The following LRRC49 variants were observed in gnomAD, a reference collection of about 807,000 sequenced individuals.
The protein encoded by LRRC49 is leucine-rich repeat-containing protein 49.
A neutral mutation model predicts 83.3 loss-of-function variants in LRRC49; 50 were observed. The observed-to-expected ratio is 0.60, with a 90% CI of 0.48 to 0.76. The LOEUF is 0.76. Among genes scored for constraint, LRRC49 ranks in the 30% least tolerant of loss-of-function variants. The pLI is 0.00. For missense variants in LRRC49, 704 were observed against 809.1 expected (o/e 0.87, Z 1.58); for synonymous variants, 286 against 283.3 (o/e 1.01, Z -0.10).
At chr15:70,882,956 G>A (rs528727130) in intron 2 of LRRC49, 1 of 1,594,670 alleles carries the variant, frequency 6.3e-7, no homozygotes. Context: ...TACCTTATAG[G>A]ATTTTATCTT....
chr15:70,946,926 T>A (rs764962818), intron 8 of LRRC49, among the ~76,000 whole-genome samples: 14 of 152,192 alleles, frequency 9.2e-5, no homozygotes, highest in South Asian at 2.1e-4. Context: ...ACTTCCTTTT[T>A]ATGGCTTAAA....
intron 1 of LRRC49, among the ~76,000 whole-genome samples, chr15:70,855,129 C>T (rs2032621561): frequency 6.6e-6 from 1 of 151,984 alleles, no homozygotes; most frequent in Admixed American, 6.5e-5. Context: ...GTCAAGAGAT[C>T]GAGACCATCC....
intron 11 of LRRC49, among the ~76,000 whole-genome samples, chr15:70,994,714 A>T (rs2038018661): frequency 6.6e-6 from 1 of 152,134 alleles, no homozygotes; most frequent in South Asian, 2.1e-4. Flanking sequence ...GGCTCAAGTG[A>T]TCTGCCTGCC....
At chr15:71,040,002 G>C (rs957241912) in intron 15 of LRRC49, among the ~76,000 whole-genome samples, 1 of 152,054 alleles carries the variant, frequency 6.6e-6, no homozygotes, top group African/African-American at 2.4e-5. Context: ...TAAAAATATT[G>C]GTGCAAACCC....
At chr15:70,895,797 C>A (rs1402529369) in intron 2 of LRRC49, 52 bp from the exon 3 acceptor site, 8 of 1,060,506 alleles carry the variant, frequency 7.5e-6, no homozygotes, top group African/African-American at 4.7e-5. Flanking sequence ...ATCTTCACTG[C>A]TTGGTGTTAA....
chr15:71,044,496 A>G (rs979110471), intron 15 of LRRC49, among the ~76,000 whole-genome samples: 14 of 152,224 alleles, frequency 9.2e-5, no homozygotes, highest in African/African-American at 3.1e-4. Flanking sequence ...TTTAAACATC[A>G]TAAGCATTTG....
chr15:70,940,321 A>G (rs2035764936), intron 8 of LRRC49, among the ~76,000 whole-genome samples: 1 of 145,140 alleles, frequency 6.9e-6, no homozygotes. Flanking sequence ...CAGTAGCGCA[A>G]TCTCAGCTCA....
At chr15:70,959,597 GGA>G (rs1424438622) in intron 8 of LRRC49, among the ~76,000 whole-genome samples, 24 of 131,984 alleles carry the variant, frequency 1.8e-4, no homozygotes, top group Admixed American at 3.1e-4. Flanking sequence ...AAGGAAGGAA[GGA>G]AGGGAGGGAA....
At chr15:70,989,705 C>T (rs2037785074) in intron 11 of LRRC49, among the ~76,000 whole-genome samples, 1 of 152,216 alleles carries the variant, frequency 6.6e-6, no homozygotes, top group African/African-American at 2.4e-5. Flanking sequence ...AGGAGAGGCG[C>T]TCTGCTTTTT....
At chr15:70,903,682 A>T (rs989797918) in intron 4 of LRRC49, among the ~76,000 whole-genome samples, 1 of 152,190 alleles carries the variant, frequency 6.6e-6, no homozygotes, top group African/African-American at 2.4e-5. Flanking sequence ...AGAGTTGTTC[A>T]CACTCAGATA....
intron 7 of LRRC49, among the ~76,000 whole-genome samples, chr15:70,923,999 A>G (rs1008241772): frequency 6.6e-6 from 1 of 151,900 alleles, no homozygotes; most frequent in African/African-American, 2.4e-5. Context: ...TCTTATTTGG[A>G]TTTTGCCATT....
intron 14 of LRRC49, among the ~76,000 whole-genome samples, chr15:71,023,823 G>A (rs1450497175): frequency 1.3e-5 from 2 of 152,196 alleles, no homozygotes; most frequent in African/African-American, 4.8e-5. Flanking sequence ...GAGTTCCTCG[G>A]GGGAGAGGCA....
At position 71,012,873 on chromosome 15, in the gene LRRC49, T is replaced by C; in HGVS notation, c.1663T>C (p.Leu555=). 1 of 1,613,242 alleles carries C rather than the reference T, an allele frequency of 6.2e-7. No homozygotes were observed. The highest frequency in any genetic ancestry group is 2.2e-5 in the East Asian group (1 of 44,830). ...CCTAGCACATGTAGCATCTTCTGAG[T>C]TACCCCAGTATCGTCTGATTTCCAT... ...GILAHVASSE[L]PQYRLISILG... Residue 555 remains leucine, a synonymous_variant, in exon 14 of 16, where the codon TTA becomes CTA. Coordinates refer to ENST00000260382, the MANE Select transcript of LRRC49 (RefSeq NM_017691.5).
At chr15:70,956,093 A>G (rs2036391410) in intron 8 of LRRC49, among the ~76,000 whole-genome samples, 1 of 152,132 alleles carries the variant, frequency 6.6e-6, no homozygotes, top group African/African-American at 2.4e-5. Context: ...CCCTTTTTCT[A>G]AAGTACTTAG....
At chr15:71,029,271 T>C (rs2039273299) in intron 14 of LRRC49, among the ~76,000 whole-genome samples, 1 of 152,144 alleles carries the variant, frequency 6.6e-6, no homozygotes, top group African/African-American at 2.4e-5. Context: ...CCAGTAGTCA[T>C]TCAGGAGCAG....
intron 15 of LRRC49, chr15:71,048,712 G>A (rs1247837207): frequency 2.3e-6 from 1 of 436,490 alleles, no homozygotes; most frequent in Non-Finnish European, 4.5e-6. Flanking sequence ...GATGAAATTG[G>A]GGCACAATAT....
intron 15 of LRRC49, among the ~76,000 whole-genome samples, chr15:71,045,763 A>T (rs1383843770): frequency 6.6e-6 from 1 of 152,120 alleles, no homozygotes. Context: ...ACATGAGAGT[A>T]TTATGTGATG....
intron 11 of LRRC49, among the ~76,000 whole-genome samples, chr15:70,999,722 C>G (rs2038195731): frequency 1.3e-5 from 2 of 152,168 alleles, no homozygotes; most frequent in South Asian, 4.1e-4. Flanking sequence ...AGGAGCTTCT[C>G]AAAACTCTAT....
intron 2 of LRRC49, among the ~76,000 whole-genome samples, chr15:70,886,423 A>T: frequency 6.6e-6 from 1 of 152,318 alleles, no homozygotes; most frequent in Non-Finnish European, 1.5e-5. Context: ...AAAATCAATG[A>T]TATAATTTAA....
Sources: allele counts gnomAD v4.1 joint callset (sites outside exome capture counted in the v4.1 genomes callset), GRCh38; gene constraint gnomAD v4.1.1; transcripts MANE v1.5; gene names NCBI Gene and HGNC (gene_info 2026-07-23, HGNC 2026-07-21).